The following KCNQ1 variants were observed in gnomAD, a reference collection of about 807,000 sequenced individuals.
KCNQ1 encodes potassium voltage-gated channel subfamily Q member 1.
A neutral mutation model predicts 72.4 loss-of-function variants in KCNQ1; 49 were observed. That is an observed-to-expected ratio of 0.68 (90% CI 0.54 to 0.86). The LOEUF (loss-of-function observed/expected upper bound fraction) is 0.86, where lower values mean the gene tolerates loss of function less well. KCNQ1 is among the 40% of genes least tolerant of loss of function. The pLI is 0.00. For synonymous variants in KCNQ1, 450 were observed against 412.6 expected (o/e 1.09, Z -1.10); for missense variants, 790 against 945.1 (o/e 0.84, Z 2.15).
intron 10 of KCNQ1, among the ~76,000 whole-genome samples, chr11:2,589,267 G>A (rs1848639271): frequency 6.6e-6 from 1 of 152,212 alleles, no homozygotes; most frequent in Non-Finnish European, 1.5e-5. Flanking sequence ...GGGCCCTGGA[G>A]GAGCAGCACC....
intron 1 of KCNQ1, among the ~76,000 whole-genome samples, chr11:2,456,956 A>AAAAAAAAAAAAC (rs1846203354): frequency 9.4e-6 from 1 of 106,278 alleles, no homozygotes; most frequent in Non-Finnish European, 1.7e-5. Flanking sequence ...AAAAAAAAAA[A>AAAAAAAAAAAAC]AAAAAAAAAC....
chr11:2,563,416 CCT>C lies in KCNQ1; in HGVS notation c.478-7209_478-7208del, dbSNP rs1848202677. On this transcript the variant is annotated intron_variant, in intron 2 of 15. Coordinates refer to ENST00000155840, the MANE Select transcript of KCNQ1 (RefSeq NM_000218.3). The surrounding 1 kb of genome is among the most constrained non-coding windows in gnomAD (Gnocchi z 7.4). The stretch of plus-strand genomic sequence containing the variant: ...TGGCCCTCCGGCTTCGGGCAGGTCT[CCT>C]CTTTATGCCACTGTAACCCCACAAC... Among the ~76,000 whole-genome samples, 1 of 152,218 alleles carries C rather than the reference CCT, an allele frequency of 6.6e-6. No homozygotes were observed. The highest frequency in any genetic ancestry group is 1.5e-5 in the Non-Finnish European group (1 of 68,018).
At chr11:2,524,190 C>T (rs117305030) in intron 1 of KCNQ1, among the ~76,000 whole-genome samples, 2,519 of 152,202 alleles carry the variant, frequency 0.017, 29 homozygotes, top group Non-Finnish European at 0.024. Context: ...AAGCCAGGCT[C>T]GGCGACGGGA....
intron 10 of KCNQ1, chr11:2,644,829 G>A (rs545781088): frequency 2.5e-6 from 1 of 398,684 alleles, no homozygotes; most frequent in South Asian, 1.3e-4. Context: ...CACCAGTAGT[G>A]TCTGGGAGTT....
In KCNQ1 at chr11:2,750,971, C is replaced by T. The variant is rs538045980; in HGVS notation, c.1515-17873C>T. 6.6e-6 allele frequency among the ~76,000 whole-genome samples: 1 copy of T among 152,278 alleles called. No individual in the cohort carries two copies. Among genetic ancestry groups the T allele is most frequent in the Admixed American group, 6.5e-5 (1 of 15,304 alleles). ...CTTTACCTCTGTCTGTGCACCCACCCAGCCCCTCCTGGGAAAAAGCCAGGA... is the reference window on the plus strand; with the variant it reads ...CTTTACCTCTGTCTGTGCACCCACCTAGCCCCTCCTGGGAAAAAGCCAGGA... On this transcript the variant is annotated intron_variant, in intron 11 of 15. Coordinates refer to ENST00000155840, the MANE Select transcript of KCNQ1 (RefSeq NM_000218.3). The surrounding 1 kb of genome is among the most constrained non-coding windows in gnomAD (Gnocchi z 6.3).
chr11:2,815,946 T>C lies in KCNQ1; in HGVS notation c.1795-31821T>C, dbSNP rs762320154. Among the ~76,000 whole-genome samples, 1 of 152,142 alleles carries C rather than the reference T, an allele frequency of 6.6e-6. No homozygotes were observed. The highest frequency in any genetic ancestry group is 2.1e-4 in the South Asian group (1 of 4,824). On this transcript the variant is annotated intron_variant, in intron 15 of 15. Coordinates refer to ENST00000155840, the MANE Select transcript of KCNQ1 (RefSeq NM_000218.3). This position sits in a 1 kb window ranked among gnomAD's most constrained non-coding sequence, Gnocchi z 5.4. ...GCACACCTGTCAGGGTGGAGGGGAC[T>C]TGGGGGACCAGCCAGCTGGATATGT...
intron 10 of KCNQ1, among the ~76,000 whole-genome samples, chr11:2,589,290 A>T (rs903976839): frequency 6.6e-6 from 1 of 152,060 alleles, no homozygotes; most frequent in African/African-American, 2.4e-5. Context: ...GCCCGGGTAA[A>T]ACGTGGGGGG....
In KCNQ1 at chr11:2,478,547, G is replaced by A. The variant is rs1051406821; in HGVS notation, c.386+33063G>A. Among the ~76,000 whole-genome samples, 1 of 152,088 alleles carries A rather than the reference G, an allele frequency of 6.6e-6. No homozygotes were observed. The highest frequency in any genetic ancestry group is 1.9e-4 in the East Asian group (1 of 5,188). Reference sequence around the variant, plus strand: ...TCCCCTTATAAAACCATCAGATCTCGTGAGACTTATTCATTACCATGAGAA... The same window carrying A: ...TCCCCTTATAAAACCATCAGATCTCATGAGACTTATTCATTACCATGAGAA... On this transcript the variant is annotated intron_variant, in intron 1 of 15. Coordinates refer to ENST00000155840, the MANE Select transcript of KCNQ1 (RefSeq NM_000218.3). The surrounding 1 kb of genome is among the most constrained non-coding windows in gnomAD (Gnocchi z 4.0).
intron 15 of KCNQ1, among the ~76,000 whole-genome samples, chr11:2,844,225 C>T (rs917616339): frequency 2.0e-5 from 3 of 152,234 alleles, no homozygotes; most frequent in Non-Finnish European, 2.9e-5. Context: ...GACTCTGGGG[C>T]TGCCGAGGAG....
Position 2,543,943 on chromosome 11 carries a change from C to T in KCNQ1, c.477+15925C>T, listed in dbSNP as rs79670240. Among the ~76,000 whole-genome samples, 1 of 152,184 alleles carries T rather than the reference C, an allele frequency of 6.6e-6. No homozygotes were observed. The highest frequency in any genetic ancestry group is 2.4e-5 in the African/African-American group (1 of 41,436). On this transcript the variant is annotated intron_variant, in intron 2 of 15. Transcript: ENST00000155840. This position sits in a 1 kb window ranked among gnomAD's most constrained non-coding sequence, Gnocchi z 5.6. ...CTCTTTCTGGACACTCTACTGTGATCCGTTGATCTGTCCTTTTGCCAGTCA... is the reference window on the plus strand; with the variant it reads ...CTCTTTCTGGACACTCTACTGTGATTCGTTGATCTGTCCTTTTGCCAGTCA...
At chr11:2,506,980 T>A (rs765218762) in intron 1 of KCNQ1, among the ~76,000 whole-genome samples, 11 of 152,226 alleles carry the variant, frequency 7.2e-5, no homozygotes, top group Non-Finnish European at 1.3e-4. Flanking sequence ...TGGACTAATG[T>A]GAATTGTTTT....
chr11:2,630,780 A>G (rs562580541), intron 10 of KCNQ1: 44 of 397,814 alleles, frequency 1.1e-4, no homozygotes, highest in Non-Finnish European at 1.5e-4. Flanking sequence ...TTGCTGATAA[A>G]CTCCTTCAAC....
In KCNQ1 at chr11:2,486,443, G is replaced by A. The variant is rs1366203132; in HGVS notation, c.386+40959G>A. On this transcript the variant is annotated intron_variant, in intron 1 of 15. Transcript: ENST00000155840. The surrounding 1 kb of genome is among the most constrained non-coding windows in gnomAD (Gnocchi z 5.0). ...TTGCAAATATTTTCTCTCATTCTGT[G>A]GGGTGCCTTTTTACTCCGTTGATAG... Among the ~76,000 whole-genome samples the A allele has an allele frequency of 6.6e-6, 1 of 152,102 alleles. No homozygotes were observed. Among genetic ancestry groups the A allele is most frequent in the Non-Finnish European group, 1.5e-5 (1 of 68,020 alleles).
At chr11:2,517,990 C>A (rs1213344405) in intron 1 of KCNQ1, among the ~76,000 whole-genome samples, 2 of 152,278 alleles carry the variant, frequency 1.3e-5, no homozygotes, top group South Asian at 4.1e-4. Context: ...GCCTAACTCA[C>A]TTCCAGATTC....
rs1379552999 is a variant in KCNQ1 at position 2,772,314 on chromosome 11, G to A, written c.1590+3395G>A. Among the ~76,000 whole-genome samples, 1 of 152,022 alleles carries A rather than the reference G, an allele frequency of 6.6e-6. No individual in the cohort carries two copies. The highest frequency in any genetic ancestry group is 2.4e-5 in the African/African-American group (1 of 41,378). On this transcript the variant is annotated intron_variant, in intron 12 of 15. Transcript: ENST00000155840. This position sits in a 1 kb window ranked among gnomAD's most constrained non-coding sequence, Gnocchi z 6.6. ...CTACCTTGCTGGCTGATAAGTCCTTGGCCAACCACCCCTGTGTCTGGCCCA... is the reference window on the plus strand; with the variant it reads ...CTACCTTGCTGGCTGATAAGTCCTTAGCCAACCACCCCTGTGTCTGGCCCA...
At position 2,678,832 on chromosome 11, in the gene KCNQ1, G is replaced by A. The variant is rs924404864; in HGVS notation, c.1514+16751G>A. The A allele has an allele frequency of 2.5e-5, 10 of 398,496 alleles. No individual in the cohort carries two copies. Among genetic ancestry groups the A allele is most frequent in the African/African-American group, 1.9e-4 (9 of 48,618 alleles). The allele number at this position is 398,496 out of a possible 1,614,324, so 24.7% of individuals were successfully genotyped here. On this transcript the variant is annotated intron_variant, in intron 11 of 15. Coordinates refer to ENST00000155840, the MANE Select transcript of KCNQ1 (RefSeq NM_000218.3). This position sits in a 1 kb window ranked among gnomAD's most constrained non-coding sequence, Gnocchi z 4.9. ...TTGTTTCTTCCAAGGCTCACTTCAAGGAAGGCAGAATCCAGGTCGGGGGTG... is the reference window on the plus strand; with the variant it reads ...TTGTTTCTTCCAAGGCTCACTTCAAAGAAGGCAGAATCCAGGTCGGGGGTG...
chr11:2,450,068 A>C lies in KCNQ1; in HGVS notation c.386+4584A>C, dbSNP rs1357469178. Among the ~76,000 whole-genome samples, 3 of 152,146 alleles carry C rather than the reference A, an allele frequency of 2.0e-5. No individual in the cohort carries two copies. Among genetic ancestry groups the C allele is most frequent in the Non-Finnish European group, 4.4e-5 (3 of 67,996 alleles). Reference sequence around the variant, plus strand: ...CTGCTCGGCCCTAGGCAGGGCCCCCAGTTCCCTGCATTCCACCCGCCTTGT... The same window carrying C: ...CTGCTCGGCCCTAGGCAGGGCCCCCCGTTCCCTGCATTCCACCCGCCTTGT... On this transcript the variant is annotated intron_variant, in intron 1 of 15. Coordinates refer to ENST00000155840, the MANE Select transcript of KCNQ1 (RefSeq NM_000218.3). This position sits in a 1 kb window ranked among gnomAD's most constrained non-coding sequence, Gnocchi z 7.9.
At chr11:2,560,467 G>A (rs1307796893) in intron 2 of KCNQ1, among the ~76,000 whole-genome samples, 1 of 99,324 alleles carries the variant, frequency 1.0e-5, no homozygotes, top group South Asian at 4.5e-4. Context: ...GGGACGGGGG[G>A]TGACGTCCAT....
At chr11:2,597,756 C>A (rs1168522232) in intron 10 of KCNQ1, among the ~76,000 whole-genome samples, 5 of 152,154 alleles carry the variant, frequency 3.3e-5, no homozygotes, top group African/African-American at 7.2e-5. Context: ...TTAGTAATTT[C>A]TTTTTAGTCT....
Sources: allele counts gnomAD v4.1 joint callset (sites outside exome capture counted in the v4.1 genomes callset), GRCh38; gene constraint gnomAD v4.1.1; non-coding constraint Gnocchi (gnomAD v3.1); transcripts MANE v1.5; gene names NCBI Gene and HGNC (gene_info 2026-07-23, HGNC 2026-07-21).